BCL2A1: variants seen among roughly 807,000 people sequenced by gnomAD.
BCL2A1 encodes BCL2 related protein A1.
BCL2A1 carries 10 observed loss-of-function variants against 14.4 expected under a neutral mutation model. That is an observed-to-expected ratio of 0.69 (90% CI 0.43 to 1.18). The LOEUF is 1.18. Among genes scored for constraint, BCL2A1 ranks in the 50% most tolerant of loss-of-function variants. The pLI, the probability that BCL2A1 is intolerant of heterozygous loss-of-function variation, is 0.00. For missense variants in BCL2A1, 158 were observed against 205.0 expected, an observed-to-expected ratio of 0.77 and a Z score of 1.40; for synonymous variants, 71 against 76.5, an observed-to-expected ratio of 0.93 and a Z score of 0.38.
At chr15:79,961,715 A>G (rs1432144381) in intron 1 of BCL2A1, among the ~76,000 whole-genome samples, 1 of 152,208 alleles carries the variant, frequency 6.6e-6, no homozygotes, top group African/African-American at 2.4e-5. Context: ...AGTAAATCCA[A>G]ATTAAACTAA....
intron 1 of BCL2A1, among the ~76,000 whole-genome samples, chr15:79,965,781 T>G (rs2035535741): frequency 6.6e-6 from 1 of 152,188 alleles, no homozygotes; most frequent in Non-Finnish European, 1.5e-5. Flanking sequence ...AAAACTTATT[T>G]AATCAAAGGA....
intron 1 of BCL2A1, among the ~76,000 whole-genome samples, chr15:79,969,301 G>A (rs544000745): frequency 1.4e-4 from 22 of 152,208 alleles, no homozygotes; most frequent in Middle Eastern, 3.4e-3. Flanking sequence ...ACTTTGGAGG[G>A]CAAGGACCTA....
chr15:79,963,499 A>G (rs1022084090), intron 1 of BCL2A1, among the ~76,000 whole-genome samples: 4 of 152,218 alleles, frequency 2.6e-5, no homozygotes, highest in African/African-American at 7.2e-5. Flanking sequence ...TACTTTTAAC[A>G]CAGTCTTATT....
At chr15:79,964,764 A>G (rs1567023371) in intron 1 of BCL2A1, among the ~76,000 whole-genome samples, 1 of 152,248 alleles carries the variant, frequency 6.6e-6, no homozygotes, top group Admixed American at 6.5e-5. Flanking sequence ...AGGGAGACAG[A>G]GAGTGGCAGT....
intron 1 of BCL2A1, among the ~76,000 whole-genome samples, chr15:79,969,446 C>T (rs1308553231): frequency 6.6e-6 from 1 of 152,082 alleles, no homozygotes; most frequent in African/African-American, 2.4e-5. Flanking sequence ...ACAGCAAACT[C>T]GAAATAACCT....
At chr15:79,967,642 C>A (rs1401467778) in intron 1 of BCL2A1, 1 of 1,596,906 alleles carries the variant, frequency 6.3e-7, no homozygotes, top group Non-Finnish European at 8.6e-7. Flanking sequence ...CTTACCTCTT[C>A]TTGTGGGCCA....
chr15:79,962,217 G>C (rs1305112265), intron 1 of BCL2A1, among the ~76,000 whole-genome samples: 1 of 152,152 alleles, frequency 6.6e-6, no homozygotes, highest in Non-Finnish European at 1.5e-5. Context: ...TGATAGTTGG[G>C]AGTGACTCGA....
intron 1 of BCL2A1, chr15:79,967,581 A>T (rs2035554076): frequency 2.6e-6 from 4 of 1,536,398 alleles, no homozygotes; most frequent in Non-Finnish European, 3.5e-6. Context: ...TAATTAAATT[A>T]TAGATTGTAT....
intron 1 of BCL2A1, among the ~76,000 whole-genome samples, chr15:79,961,890 C>G (rs2141702968): frequency 6.6e-6 from 1 of 152,284 alleles, no homozygotes; most frequent in South Asian, 2.1e-4. Flanking sequence ...TCTCTGAGAT[C>G]ATCTAGCCTG....
At chr15:79,966,937 G>T (rs192574843) in intron 1 of BCL2A1, among the ~76,000 whole-genome samples, 3 of 152,292 alleles carry the variant, frequency 2.0e-5, no homozygotes, top group Admixed American at 6.5e-5. Context: ...CCCATTAGGG[G>T]ATCTGTTTTA....
intron 1 of BCL2A1, among the ~76,000 whole-genome samples, chr15:79,970,099 T>C (rs1258687306): frequency 6.6e-6 from 1 of 152,148 alleles, no homozygotes; most frequent in Admixed American, 6.5e-5. Flanking sequence ...TATTATGTTT[T>C]AATCAACAAA....
At chr15:79,970,601 TC>T in intron 1 of BCL2A1, 98 bp downstream of exon 1, 9 of 1,209,652 alleles carry the variant, frequency 7.4e-6, no homozygotes, top group Non-Finnish European at 1.0e-5. Flanking sequence ...AAAATAGTAT[TC>T]TTAGGTAAAG....
At chr15:79,963,273 C>G (rs778570524) in intron 1 of BCL2A1, among the ~76,000 whole-genome samples, 8 of 152,104 alleles carry the variant, frequency 5.3e-5, no homozygotes, top group Non-Finnish European at 8.8e-5. Context: ...CAGGCATGAG[C>G]CACCGTGCCT....
intron 1 of BCL2A1, among the ~76,000 whole-genome samples, chr15:79,966,797 A>AGAAGGCAGGAAGGCAG (rs1567023970): frequency 6.9e-5 from 10 of 145,740 alleles, no homozygotes; most frequent in Non-Finnish European, 1.5e-4. Flanking sequence ...CACAAACAAA[A>AGAAGGCAGGAAGGCAG]GAAGGCAGGA....
intron 1 of BCL2A1, among the ~76,000 whole-genome samples, chr15:79,968,238 A>G (rs1396994766): frequency 1.3e-5 from 2 of 152,232 alleles, no homozygotes; most frequent in East Asian, 3.8e-4. Flanking sequence ...AAACCCAAAT[A>G]GAGCCTGCAA....
At chr15:79,967,704 C>A in intron 1 of BCL2A1, 1 of 1,419,630 alleles carries the variant, frequency 7.0e-7, no homozygotes, top group Non-Finnish European at 1.0e-6. Context: ...TGAAATGAAT[C>A]ATTCAAGAGT....
chr15:79,965,504 C>A (rs2035532866), intron 1 of BCL2A1, among the ~76,000 whole-genome samples: 1 of 152,054 alleles, frequency 6.6e-6, no homozygotes, highest in Admixed American at 6.6e-5. Context: ...ACCATGGAGT[C>A]TGGCAGGAGG....
At chr15:79,969,090 A>T (rs567118409) in intron 1 of BCL2A1, among the ~76,000 whole-genome samples, 2 of 151,702 alleles carry the variant, frequency 1.3e-5, no homozygotes, top group Admixed American at 1.3e-4. Flanking sequence ...ATATGAAAAG[A>T]TGCTCAAAAT....
At chr15:79,961,693 A>T (rs1472485464) in intron 1 of BCL2A1, among the ~76,000 whole-genome samples, 1 of 152,220 alleles carries the variant, frequency 6.6e-6, no homozygotes, top group Admixed American at 6.5e-5. Context: ...ATTGAAAATC[A>T]TGAGAACTCA....
Sources: gnomAD v4.1 joint callset for allele counts (sites outside exome capture counted in the v4.1 genomes callset) on GRCh38, gnomAD v4.1.1 for gene constraint, MANE v1.5 for transcripts, NCBI Gene and HGNC (gene_info 2026-07-23, HGNC 2026-07-21) for gene names.